The following KCNH5 variants were observed in gnomAD, a reference collection of about 807,000 sequenced individuals.
KCNH5 encodes potassium voltage-gated channel subfamily H member 5, also known as voltage-gated delayed rectifier potassium channel KCNH5.
A neutral mutation model predicts 96.1 loss-of-function variants in KCNH5; 46 were observed. That is an observed-to-expected ratio of 0.48 (90% CI 0.38 to 0.61). The LOEUF is 0.61. KCNH5 is among the 20% of genes least tolerant of loss of function. The pLI is 0.00. For missense variants in KCNH5, 907 were observed against 1,225.8 expected, an observed-to-expected ratio of 0.74 and a Z score of 3.88; for synonymous variants, 439 against 449.8, an observed-to-expected ratio of 0.98 and a Z score of 0.30.
chr14:62,938,577 T>G (rs1303664093), intron 7 of KCNH5, among the ~76,000 whole-genome samples: 1 of 152,214 alleles, frequency 6.6e-6, no homozygotes, highest in Non-Finnish European at 1.5e-5. Context: ...TCTTTCGGCC[T>G]GTGAAAAAAC....
intron 7 of KCNH5, among the ~76,000 whole-genome samples, chr14:62,933,024 A>G (rs1889610063): frequency 6.6e-6 from 1 of 152,134 alleles, no homozygotes; most frequent in Non-Finnish European, 1.5e-5. Flanking sequence ...GGGTCCACAA[A>G]AGAGAAAGGC....
chr14:62,981,581 C>A (rs1233749433), intron 5 of KCNH5, among the ~76,000 whole-genome samples: 36 of 152,230 alleles, frequency 2.4e-4, no homozygotes, highest in Non-Finnish European at 1.2e-4. Context: ...TCACATGGCT[C>A]TCATGGACTG....
At chr14:63,000,943 C>T (rs567776108) in intron 4 of KCNH5, among the ~76,000 whole-genome samples, 3 of 152,204 alleles carry the variant, frequency 2.0e-5, no homozygotes, top group Admixed American at 6.5e-5. Flanking sequence ...GGTATGGTGG[C>T]GCACACCTAT....
intron 7 of KCNH5, among the ~76,000 whole-genome samples, chr14:62,948,116 T>G (rs961297733): frequency 1.4e-4 from 21 of 152,266 alleles, no homozygotes; most frequent in Middle Eastern, 3.4e-3. Context: ...CTGAGAATGA[T>G]GGTTTCCAAT....
At chr14:62,723,012 T>C (rs1884848667) in intron 10 of KCNH5, among the ~76,000 whole-genome samples, 1 of 152,188 alleles carries the variant, frequency 6.6e-6, no homozygotes, top group Non-Finnish European at 1.5e-5. Context: ...CTGATCTCAT[T>C]TGAGACTATT....
chr14:62,743,974 A>G (rs1281909507), intron 10 of KCNH5, among the ~76,000 whole-genome samples: 5 of 152,190 alleles, frequency 3.3e-5, no homozygotes, highest in African/African-American at 9.6e-5. Context: ...ATTTACCTCT[A>G]TTTTAATTGC....
At chr14:62,870,246 T>G (rs1381264933) in intron 7 of KCNH5, among the ~76,000 whole-genome samples, 1 of 152,240 alleles carries the variant, frequency 6.6e-6, no homozygotes, top group African/African-American at 2.4e-5. Context: ...GAAACACTTC[T>G]GTAAATATTC....
chr14:63,041,488 T>G (rs1385968666), intron 1 of KCNH5, among the ~76,000 whole-genome samples: 1 of 152,128 alleles, frequency 6.6e-6, no homozygotes, highest in Non-Finnish European at 1.5e-5. Flanking sequence ...ACTAATGGCT[T>G]ATTTTGATCG....
intron 6 of KCNH5, among the ~76,000 whole-genome samples, chr14:62,972,007 G>C (rs1890417537): frequency 6.6e-6 from 1 of 152,040 alleles, no homozygotes; most frequent in Non-Finnish European, 1.5e-5. Flanking sequence ...TGATAAGCTG[G>C]ACTTCATTAA....
intron 8 of KCNH5, among the ~76,000 whole-genome samples, chr14:62,823,035 T>G (rs571671769): frequency 6.6e-6 from 1 of 152,034 alleles, no homozygotes; most frequent in Non-Finnish European, 1.5e-5. Context: ...GACTGTAGAA[T>G]CCTGGTCTAA....
At chr14:62,948,285 CAT>C (rs1016584754) in intron 7 of KCNH5, among the ~76,000 whole-genome samples, 2 of 152,110 alleles carry the variant, frequency 1.3e-5, no homozygotes, top group Admixed American at 6.6e-5. Context: ...CTGCAATAAA[CAT>C]ATGTGTGCAT....
At chr14:63,001,509 C>CACTCTA in intron 3 of KCNH5, 50 bp from the exon 4 acceptor site, 1 of 1,542,294 alleles carries the variant, frequency 6.5e-7, no homozygotes, top group Non-Finnish European at 8.7e-7. Context: ...GGCACGGCCA[C>CACTCTA]AGCAGTGGTT....
chr14:62,905,075 C>T (rs1363512179), intron 7 of KCNH5, among the ~76,000 whole-genome samples: 6 of 152,164 alleles, frequency 3.9e-5, no homozygotes, highest in African/African-American at 1.4e-4. Flanking sequence ...TTTGAAAAGT[C>T]ACCAAGCCAC....
intron 8 of KCNH5, among the ~76,000 whole-genome samples, chr14:62,812,181 C>A (rs117016333): frequency 3.3e-5 from 5 of 152,006 alleles, no homozygotes; most frequent in Non-Finnish European, 7.4e-5. Flanking sequence ...GTTCTCTGTA[C>A]TAAAAAAATT....
chr14:62,899,020 T>A (rs1179806973), intron 7 of KCNH5, among the ~76,000 whole-genome samples: 3 of 152,042 alleles, frequency 2.0e-5, no homozygotes, highest in African/African-American at 7.2e-5. Context: ...TTCACAAAAG[T>A]AATTGGAGAT....
intron 10 of KCNH5, among the ~76,000 whole-genome samples, chr14:62,723,466 G>A (rs1170865521): frequency 6.6e-6 from 1 of 152,046 alleles, no homozygotes; most frequent in East Asian, 1.9e-4. Context: ...ATATTTTGGG[G>A]GTTTAGTGTT....
intron 8 of KCNH5, among the ~76,000 whole-genome samples, chr14:62,816,285 A>G (rs927111716): frequency 3.3e-5 from 5 of 151,982 alleles, no homozygotes; most frequent in Non-Finnish European, 5.9e-5. Flanking sequence ...TAAGTATATC[A>G]GTGTGTATAT....
intron 10 of KCNH5, among the ~76,000 whole-genome samples, chr14:62,753,820 A>G (rs987362452): frequency 1.3e-5 from 2 of 152,222 alleles, no homozygotes; most frequent in African/African-American, 4.8e-5. Flanking sequence ...TAAATACCAT[A>G]TCTGTCCTAC....
intron 6 of KCNH5, among the ~76,000 whole-genome samples, chr14:62,956,235 G>A (rs1194196323): frequency 6.6e-6 from 1 of 152,078 alleles, no homozygotes; most frequent in East Asian, 1.9e-4. Context: ...ATCATGTTGA[G>A]CAAAAGGAGC....
Sources: gnomAD v4.1 joint callset for allele counts (sites outside exome capture counted in the v4.1 genomes callset) on GRCh38, gnomAD v4.1.1 for gene constraint, MANE v1.5 for transcripts, NCBI Gene and HGNC (gene_info 2026-07-23, HGNC 2026-07-21) for gene names.